The following ZYG11A variants were observed in gnomAD, a reference collection of about 807,000 sequenced individuals.
ZYG11A encodes the protein zyg-11 family member A, cell cycle regulator, also known as protein zyg-11 homolog A.
A neutral mutation model predicts 77.2 loss-of-function variants in ZYG11A; 62 were observed. That is an observed-to-expected ratio of 0.80 (90% CI 0.65 to 0.99). The LOEUF is 0.99. ZYG11A is among the 50% of genes least tolerant of loss of function. The pLI is 0.00. For synonymous variants in ZYG11A, 315 were observed against 324.6 expected, an observed-to-expected ratio of 0.97 and a Z score of 0.32; for missense variants, 828 against 896.8, an observed-to-expected ratio of 0.92 and a Z score of 0.98.
At chr1:52,854,661 TTGCAG>T in intron 2 of ZYG11A, 31 bp downstream of exon 2, 1 of 1,477,274 alleles carries the variant, frequency 6.8e-7, no homozygotes. Context: ...AAGTCAGCTC[TTGCAG>T]TACTTTACTA....
intron 1 of ZYG11A, 64 bp downstream of exon 1, chr1:52,843,037 G>A: frequency 1.4e-6 from 2 of 1,415,632 alleles, no homozygotes; most frequent in Non-Finnish European, 1.9e-6. Flanking sequence ...GGCGAGCGCG[G>A]CGAGTCTCCT....
rs912856609 is a variant in ZYG11A, at chr1:52,857,542, G to T, written c.801G>T (p.Arg267Ser). The stretch of plus-strand genomic sequence containing the variant: ...TTCACCTTGATATTTCTGATCACAG[G>T]CAACTCAAATCAGACCTAGCTTTTC... ...CLLHLDISDH[R>S]QLKSDLAFHL... The change falls in exon 3 of 14, where the codon AGG (arginine) becomes AGT (serine). Residue 267 changes from arginine (R) to serine (S), a missense_variant. Physicochemically the swap from Arg to Ser is moderately radical, Grantham distance 110. Coordinates refer to ENST00000371528, the MANE Select transcript of ZYG11A (RefSeq NM_001004339.3). 4.5e-6 allele frequency: 7 copies of T among 1,551,904 alleles called. No individual in the cohort carries two copies. Among genetic ancestry groups the T allele is most frequent in the Non-Finnish European group, 6.1e-6 (7 of 1,146,984 alleles).
At chr1:52,891,266 TTTTA>T (rs2150025437) in intron 13 of ZYG11A, among the ~76,000 whole-genome samples, 1 of 152,040 alleles carries the variant, frequency 6.6e-6, no homozygotes, top group African/African-American at 2.4e-5. Flanking sequence ...TGTCTGAACT[TTTTA>T]TTTGCTTCTT....
intron 8 of ZYG11A, among the ~76,000 whole-genome samples, chr1:52,869,974 A>AC (rs1321490991): frequency 3.3e-5 from 4 of 119,440 alleles, no homozygotes; most frequent in Admixed American, 1.7e-4. Flanking sequence ...ACCCCCCCCC[A>AC]CCCCCCTCCC....
At chr1:52,849,050 T>C (rs1364053249) in intron 1 of ZYG11A, among the ~76,000 whole-genome samples, 1 of 152,120 alleles carries the variant, frequency 6.6e-6, no homozygotes, top group Non-Finnish European at 1.5e-5. Context: ...CCCAATTCTT[T>C]TGGAGTTTCT....
At position 52,894,154 on chromosome 1, in the gene ZYG11A, T is replaced by G. The variant is rs1175923665; in HGVS notation, c.*1197T>G. ...TCTATCTTTGGCATGTTTCCTGTTATGTGAGCATGACATGCTGTGTATGTG... is the reference window on the plus strand; with the variant it reads ...TCTATCTTTGGCATGTTTCCTGTTAGGTGAGCATGACATGCTGTGTATGTG... On this transcript the variant is annotated 3_prime_UTR_variant, in exon 14 of 14. Coordinates refer to ENST00000371528, the MANE Select transcript of ZYG11A (RefSeq NM_001004339.3). The G allele has an allele frequency of 2.6e-5, 4 of 152,182 alleles. No homozygotes were observed. The highest frequency in any genetic ancestry group is 1.3e-4 in the Admixed American group (2 of 15,266). The allele number at this position is 152,182 out of a possible 1,614,324, so 9.4% of individuals were successfully genotyped here.
Position 52,894,803 on chromosome 1 carries a change from A to C in ZYG11A, c.*1846A>C, listed in dbSNP as rs1054755831. 1 of 152,224 alleles carries C rather than the reference A, an allele frequency of 6.6e-6. No individual in the cohort carries two copies. The highest frequency in any genetic ancestry group is 6.5e-5 in the Admixed American group (1 of 15,284). The allele number at this position is 152,224 out of a possible 1,614,324, so 9.4% of individuals were successfully genotyped here. ...CACACTCTTGCATGATTCCAAAAGG[A>C]TATCTTCCTGACCTGGGTTCTAGTA... On this transcript the variant is annotated 3_prime_UTR_variant, in exon 14 of 14. Transcript: ENST00000371528.
intron 8 of ZYG11A, among the ~76,000 whole-genome samples, chr1:52,877,421 CTAA>C (rs989578013): frequency 6.6e-6 from 1 of 152,128 alleles, no homozygotes; most frequent in African/African-American, 2.4e-5. Context: ...AATGGAATAG[CTAA>C]TAATGTACTT....
intron 4 of ZYG11A, among the ~76,000 whole-genome samples, chr1:52,863,737 A>C (rs897230770): frequency 1.3e-5 from 2 of 152,342 alleles, no homozygotes; most frequent in African/African-American, 4.8e-5. Flanking sequence ...TTAATTTCAC[A>C]GATAAAGAAA....
At position 52,885,867 on chromosome 1, in the gene ZYG11A, G is replaced by A; in HGVS notation, c.1979G>A (p.Cys660Tyr). 6.5e-7 allele frequency: 1 copy of A among 1,548,650 alleles called. No individual in the cohort carries two copies. Residue 660 changes from cysteine (C) to tyrosine (Y), a missense_variant, in exon 12 of 14, where the codon TGT (cysteine) becomes TAT (tyrosine). By Grantham distance (194) the Cys-to-Tyr change is radical (BLOSUM62 -2). Coordinates refer to ENST00000371528, the MANE Select transcript of ZYG11A (RefSeq NM_001004339.3). ...ATIQNWPSSS[C>Y]KMTALVTYRS... ...ATACAGAATTGGCCAAGTTCAAGTT[G>A]TAAGATGACAGCATTGGTGACCTAT...
chr1:52,894,805 A>G lies in ZYG11A; in HGVS notation c.*1848A>G, dbSNP rs1362459345. ...CACTCTTGCATGATTCCAAAAGGAT[A>G]TCTTCCTGACCTGGGTTCTAGTACC... On this transcript the variant is annotated 3_prime_UTR_variant, in exon 14 of 14. Coordinates refer to ENST00000371528, the MANE Select transcript of ZYG11A (RefSeq NM_001004339.3). 1 of 152,356 alleles carries G rather than the reference A, an allele frequency of 6.6e-6. No individual in the cohort carries two copies. Among genetic ancestry groups the G allele is most frequent in the Non-Finnish European group, 1.5e-5 (1 of 68,042 alleles). The allele number at this position is 152,356 out of a possible 1,614,324, so 9.4% of individuals were successfully genotyped here.
In ZYG11A at chr1:52,842,859, T is replaced by C; in HGVS notation, c.-25T>C. 2 of 1,528,114 alleles carry C rather than the reference T, an allele frequency of 1.3e-6. No homozygotes were observed. Among genetic ancestry groups the C allele is most frequent in the African/African-American group, 2.8e-5 (2 of 70,288 alleles). 94.7% of individuals were successfully genotyped at this position (1,528,114 alleles called of 1,614,324 possible). A position where few individuals can be genotyped will look rare whatever the true frequency, so the allele number is the denominator to read the frequency against. Reference sequence around the variant, plus strand: ...CTCCGGCTCGACGCCGGCTCTCTTTTTGACGCCCCGCCGCCGGGGTTGCCA... The same window carrying C: ...CTCCGGCTCGACGCCGGCTCTCTTTCTGACGCCCCGCCGCCGGGGTTGCCA... On this transcript the variant is annotated 5_prime_UTR_variant, in exon 1 of 14. Coordinates refer to ENST00000371528, the MANE Select transcript of ZYG11A (RefSeq NM_001004339.3).
intron 8 of ZYG11A, among the ~76,000 whole-genome samples, chr1:52,876,740 T>C (rs963706788): frequency 6.6e-6 from 1 of 152,210 alleles, no homozygotes; most frequent in Admixed American, 6.5e-5. Flanking sequence ...TGAAGTCTCT[T>C]GACACATTCT....
In ZYG11A at chr1:52,870,111, G is replaced by A. The variant is rs1646125882; in HGVS notation, c.1542+2334G>A. Among the ~76,000 whole-genome samples, 4 of 148,358 alleles carry A rather than the reference G, an allele frequency of 2.7e-5. No individual in the cohort carries two copies. In the South Asian group the frequency reaches 6.5e-4, roughly 24 times the overall value. Reference sequence around the variant, plus strand: ...GCGCTCCTCACATCCCAGACGGGGCGGCGGGGCAGAGGCTCTCCCCACATC... The same window carrying A: ...GCGCTCCTCACATCCCAGACGGGGCAGCGGGGCAGAGGCTCTCCCCACATC... On this transcript the variant is annotated intron_variant, in intron 8 of 13. Transcript: ENST00000371528.
chr1:52,853,256 G>A (rs904769259), intron 1 of ZYG11A, among the ~76,000 whole-genome samples: 39 of 152,176 alleles, frequency 2.6e-4, no homozygotes, highest in African/African-American at 8.7e-4. Context: ...TTTGAAGTAT[G>A]GTTTCTACTT....
In ZYG11A at chr1:52,893,275, T is replaced by G; in HGVS notation, c.*318T>G. ...TGGACAATTTTTTCCCTTTGGGAGCTTGTCATGGGAGTGGGACCTGTTCAC... is the reference window on the plus strand; with the variant it reads ...TGGACAATTTTTTCCCTTTGGGAGCGTGTCATGGGAGTGGGACCTGTTCAC... On this transcript the variant is annotated 3_prime_UTR_variant, in exon 14 of 14. Transcript: ENST00000371528. 1 of 249,768 alleles carries G rather than the reference T, an allele frequency of 4.0e-6. No homozygotes were observed. The highest frequency in any genetic ancestry group is 8.8e-5 in the East Asian group (1 of 11,392). The allele number at this position is 249,768 out of a possible 1,614,324, so 15.5% of individuals were successfully genotyped here. A position where few individuals can be genotyped will look rare whatever the true frequency, so the allele number is the denominator to read the frequency against.
At chr1:52,856,940 A>G in intron 2 of ZYG11A, 58 bp from the exon 3 acceptor site, 1 of 1,457,984 alleles carries the variant, frequency 6.9e-7, no homozygotes, top group Non-Finnish European at 9.1e-7. Context: ...GCCACATTTT[A>G]TCCTGGAAAG....
rs1646569891 is a variant in ZYG11A, at chr1:52,892,868, G to A, written c.2191G>A (p.Ala731Thr). ...IQEHSEATPK[A>T]QQIAASILDD... ...GGAGCACAGTGAGGCAACCCCCAAA[G>A]CACAGCAGATTGCAGCCTCCATTCT... The change falls in exon 14 of 14, where the codon GCA becomes ACA. Residue 731 changes from alanine (A) to threonine (T), a missense_variant. Transcript: ENST00000371528. 40 of 1,551,650 alleles carry A rather than the reference G, an allele frequency of 2.6e-5. No individual in the cohort carries two copies. The highest frequency in any genetic ancestry group is 3.3e-5 in the Non-Finnish European group (38 of 1,147,000).
rs773775062 is a variant in ZYG11A at position 52,885,925 on chromosome 1, T to C, written c.2006+31T>C. 4.5e-5 allele frequency: 67 copies of C among 1,474,418 alleles called. No individual in the cohort carries two copies. The African/African-American group carries it at 7.1e-4, about 16-fold the overall frequency. The allele number at this position is 1,474,418 out of a possible 1,614,324, so 91.3% of individuals were successfully genotyped here. The stretch of plus-strand genomic sequence containing the variant: ...TTCATGGTGTTGTGCTTTTCTTCTT[T>C]TTTTTTTCTTCTTTTTTTTATTTTT... On this transcript the variant is annotated intron_variant, in intron 12 of 13. Coordinates refer to ENST00000371528, the MANE Select transcript of ZYG11A (RefSeq NM_001004339.3).
Sources: gnomAD v4.1 joint callset for allele counts (sites outside exome capture counted in the v4.1 genomes callset) on GRCh38, gnomAD v4.1.1 for gene constraint, MANE v1.5 for transcripts, NCBI Gene and HGNC (gene_info 2026-07-23, HGNC 2026-07-21) for gene names.